Variants in CCNG1 observed in about 807,000 individuals in gnomAD.
CCNG1 encodes cyclin G1.
Under a neutral mutation model 30.0 loss-of-function variants are expected in CCNG1, and 13 were observed. The ratio of observed to expected loss-of-function variants is 0.43; its 90% CI spans 0.28 to 0.69. The LOEUF (loss-of-function observed/expected upper bound fraction) is 0.69, where lower values mean the gene tolerates loss of function less well. Ranked by LOEUF, CCNG1 falls within the 30% of genes least tolerant of loss-of-function variation. The pLI, the probability that CCNG1 is intolerant of heterozygous loss-of-function variation, is 0.16. For synonymous variants in CCNG1, 110 were observed against 121.5 expected (o/e 0.91, Z 0.62); for missense variants, 285 against 331.4 (o/e 0.86, Z 1.09).
chr5:163,453,061 T>C, the CCNG1 span: 9 of 152,328 alleles, frequency 5.9e-5, no homozygotes, highest in Non-Finnish European at 1.0e-4. Context: ...TCATGTAAGA[T>C]AATTTGAAGC....
At chr5:163,446,964 C>T (rs1758052394), downstream of CCNG1, 2 of 152,188 alleles carry the variant, frequency 1.3e-5, no homozygotes, top group South Asian at 4.1e-4. Context: ...CAAGATCACA[C>T]CACTGCTCTC....
rs747723145 is a variant in CCNG1, at chr5:163,441,284, T to C, written c.471T>C (p.Phe157=). Residue 157 remains phenylalanine, a synonymous_variant, in exon 3 of 7, where the codon TTT becomes TTC. Coordinates refer to ENST00000340828, the MANE Select transcript of CCNG1 (RefSeq NM_004060.4). The part of the protein sequence containing the change: ...WKVKATTAFQ[F]LQLYYSLLQE... ...TCAAAGCTACTACTGCCTTTCAATTTCTGCAACTGTATTATTCACTCCTTC... is the reference window on the plus strand; with the variant it reads ...TCAAAGCTACTACTGCCTTTCAATTCCTGCAACTGTATTATTCACTCCTTC... 8.1e-6 allele frequency: 13 copies of C among 1,614,008 alleles called. No individual in the cohort carries two copies. The African/African-American group carries it at 1.7e-4, about 22-fold the overall frequency.
the CCNG1 span, among the ~76,000 whole-genome samples, chr5:163,454,564 C>A: frequency 6.6e-6 from 1 of 152,212 alleles, no homozygotes; most frequent in African/African-American, 2.4e-5. Context: ...TTGTCTTGAA[C>A]TCCCAACCTC....
In CCNG1 at chr5:163,439,499, C is replaced by G; in HGVS notation, c.243C>G (p.Asp81Glu). The G allele has an allele frequency of 1.2e-6, 2 of 1,613,390 alleles. No homozygotes were observed. Among genetic ancestry groups the G allele is most frequent in the Non-Finnish European group, 1.7e-6 (2 of 1,179,504 alleles). The change falls in exon 2 of 7, where the codon GAC (aspartate) becomes GAG (glutamate). Residue 81 changes from aspartate to glutamate, a missense_variant. Coordinates refer to ENST00000340828, the MANE Select transcript of CCNG1 (RefSeq NM_004060.4). ...TTTCTCTAGCTGTGAATTTACTGGA[C>G]AGATTCCTGTCTAAAATGAAGGTAT... ...ETFSLAVNLL[D>E]RFLSKMKVQP...
the CCNG1 span, chr5:163,456,970 G>C: frequency 1.9e-6 from 3 of 1,610,536 alleles, no homozygotes; most frequent in Non-Finnish European, 8.5e-7. Context: ...CTCTGCATTT[G>C]GTCTTGCACC....
the CCNG1 span, chr5:163,453,670 T>C: frequency 5.0e-6 from 1 of 198,142 alleles, no homozygotes; most frequent in Non-Finnish European, 1.0e-5. Context: ...ATCTATACTC[T>C]AATGTTCTTT....
At chr5:163,439,604 T>A in intron 2 of CCNG1, 84 bp downstream of exon 2, 1 of 1,250,352 alleles carries the variant, frequency 8.0e-7, no homozygotes, top group East Asian at 2.4e-5. Flanking sequence ...ATTCATAAAC[T>A]TGACCTTTTT....
At position 163,444,762 on chromosome 5, in the gene CCNG1, T is replaced by C. The variant is rs1757989264; in HGVS notation, c.*1092T>C. The C allele has an allele frequency of 6.5e-6, 1 of 152,680 alleles. No individual in the cohort carries two copies. The highest frequency in any genetic ancestry group is 2.4e-5 in the African/African-American group (1 of 41,474). The allele number at this position is 152,680 out of a possible 1,614,324, so 9.5% of individuals were successfully genotyped here. A position where few individuals can be genotyped will look rare whatever the true frequency, so the allele number is the denominator to read the frequency against. ...GCAATGTATAGCCTGAGTCTATCCA[T>C]GATGGCTATATCCAATTTGACATCA... On this transcript the variant is annotated 3_prime_UTR_variant, in exon 7 of 7. Transcript: ENST00000340828.
chr5:163,457,405 TC>T, the CCNG1 span, among the ~76,000 whole-genome samples: 2 of 151,996 alleles, frequency 1.3e-5, no homozygotes, highest in Admixed American at 1.3e-4. Flanking sequence ...TAATTTTTTC[TC>T]CCCCCACTAG....
At position 163,441,969 on chromosome 5, in the gene CCNG1, ATATTT is replaced by A. The variant is rs1174805525; in HGVS notation, c.597+9_597+13del. On this transcript the variant is annotated splice_donor_region_variant and intron_variant, in intron 4 of 6. Transcript: ENST00000340828. ...ATCATATTTTCTAAAGCAAAGGTAA[ATATTT>A]TATAAAGATTATGCCTATTGATATG... 1 of 1,602,180 alleles carries A rather than the reference ATATTT, an allele frequency of 6.2e-7. No individual in the cohort carries two copies. The highest frequency in any genetic ancestry group is 8.5e-7 in the Non-Finnish European group (1 of 1,169,660).
At chr5:163,454,250 T>C in the CCNG1 span, among the ~76,000 whole-genome samples, 1,082 of 152,290 alleles carry the variant, frequency 7.1e-3, 13 homozygotes, top group African/African-American at 0.025. Context: ...TTAGACATCA[T>C]ATGTACACTA....
chr5:163,445,166 T>C, downstream of CCNG1: 1 of 152,170 alleles, frequency 6.6e-6, no homozygotes. Context: ...AAAATCCCTA[T>C]TAATAATATG....
chr5:163,457,373 T>C, the CCNG1 span, among the ~76,000 whole-genome samples: 1 of 150,948 alleles, frequency 6.6e-6, no homozygotes, highest in African/African-American at 2.5e-5. Context: ...CATTAAATTT[T>C]ATATTTCCAA....
intron 3 of CCNG1, 54 bp from the exon 4 acceptor site, chr5:163,441,831 CT>C: frequency 9.3e-7 from 1 of 1,079,822 alleles, no homozygotes; most frequent in Non-Finnish European, 1.4e-6. Context: ...CTAAAAACAT[CT>C]TTTGACTAGA....
At chr5:163,454,395 G>A in the CCNG1 span, among the ~76,000 whole-genome samples, 1 of 152,110 alleles carries the variant, frequency 6.6e-6, no homozygotes, top group African/African-American at 2.4e-5. Flanking sequence ...AGGCGGGAGT[G>A]CAATGGTGCG....
intron 2 of CCNG1, among the ~76,000 whole-genome samples, chr5:163,440,045 C>T (rs1223534947): frequency 3.3e-5 from 5 of 151,272 alleles, no homozygotes; most frequent in African/African-American, 1.2e-4. Context: ...TTTTCCTATA[C>T]TAGATAAACA....
chr5:163,457,222 C>A, the CCNG1 span: 1 of 860,510 alleles, frequency 1.2e-6, no homozygotes, highest in South Asian at 2.0e-5. Flanking sequence ...ACCTCCGCCC[C>A]CCGGGTTCAA....
At chr5:163,455,643 A>G in the CCNG1 span, among the ~76,000 whole-genome samples, 1 of 151,878 alleles carries the variant, frequency 6.6e-6, no homozygotes, top group African/African-American at 2.4e-5. Context: ...GGGAGCCTAC[A>G]GTCCCAGCTA....
rs1757947403 is a variant in CCNG1 at position 163,443,775 on chromosome 5, C to T, written c.*105C>T. On this transcript the variant is annotated 3_prime_UTR_variant, in exon 7 of 7. Coordinates refer to ENST00000340828, the MANE Select transcript of CCNG1 (RefSeq NM_004060.4). ...GGATTTAAGCTATGAAGCCTCAAAACATCACGAGATAAGCATGATGGTCTC... is the reference window on the plus strand; with the variant it reads ...GGATTTAAGCTATGAAGCCTCAAAATATCACGAGATAAGCATGATGGTCTC... The T allele has an allele frequency of 7.0e-6, 9 of 1,280,902 alleles. No individual in the cohort carries two copies. The highest frequency in any genetic ancestry group is 4.3e-6 in the Non-Finnish European group (4 of 922,600). The allele number at this position is 1,280,902 out of a possible 1,614,324, so 79.3% of individuals were successfully genotyped here. A position where few individuals can be genotyped will look rare whatever the true frequency, so the allele number is the denominator to read the frequency against.
Sources: allele counts gnomAD v4.1 joint callset (sites outside exome capture counted in the v4.1 genomes callset), GRCh38; gene constraint gnomAD v4.1.1; transcripts MANE v1.5; gene names NCBI Gene and HGNC (gene_info 2026-07-23, HGNC 2026-07-21).